Variants in FSD1 observed in about 807,000 individuals in gnomAD.
FSD1 encodes the protein fibronectin type III and SPRY domain containing 1, also known as fibronectin type III and SPRY domain-containing protein 1.
FSD1 carries 23 observed loss-of-function variants against 58.2 expected under a neutral mutation model. The ratio of observed to expected loss-of-function variants is 0.40; its 90% CI spans 0.28 to 0.56. The LOEUF is 0.56. FSD1 is among the 20% of genes least tolerant of loss of function. FSD1 has a pLI of 0.54. For synonymous variants in FSD1, 265 were observed against 263.4 expected (o/e 1.01, Z -0.06); for missense variants, 563 against 670.8 (o/e 0.84, Z 1.78).
In FSD1 at chr19:4,323,300, C is replaced by T. The variant is rs775668607; in HGVS notation, c.1292-48C>T. The T allele has an allele frequency of 3.5e-5, 57 of 1,609,588 alleles. No homozygotes were observed. The East Asian group carries it at 1.0e-3, about 28-fold the overall frequency. ...TGCCTGAGTCCCCTCCGTCTGCCCCCATCCCACTTCTGACCGGTCCCACTG... is the reference window on the plus strand; with the variant it reads ...TGCCTGAGTCCCCTCCGTCTGCCCCTATCCCACTTCTGACCGGTCCCACTG... On this transcript the variant is annotated intron_variant, in intron 11 of 12. Coordinates refer to ENST00000221856, the MANE Select transcript of FSD1 (RefSeq NM_024333.3). This position sits in a 1 kb window ranked among gnomAD's most constrained non-coding sequence, Gnocchi z 7.7.
Position 4,323,168 on chromosome 19 carries a change from G to A in FSD1, c.1222G>A (p.Ala408Thr), listed in dbSNP as rs770007894. ...GCAGGTCAGCTTCACGGCCAAGCAC[G>A]CCAACAAGGTCAAGGTGCTGGACGC... ...WLQVSFTAKH[A>T]NKVKVLDAPV... Residue 408 changes from alanine (A) to threonine (T), a missense_variant, in exon 11 of 13, where the codon GCC (alanine) becomes ACC (threonine). Coordinates refer to ENST00000221856, the MANE Select transcript of FSD1 (RefSeq NM_024333.3). The surrounding 1 kb of genome is among the most constrained non-coding windows in gnomAD (Gnocchi z 7.7). 1.9e-6 allele frequency: 3 copies of A among 1,604,770 alleles called. No homozygotes were observed. Among genetic ancestry groups the A allele is most frequent in the Non-Finnish European group, 2.5e-6 (3 of 1,179,784 alleles).
chr19:4,308,385 G>T (rs909061121), intron 4 of FSD1, among the ~76,000 whole-genome samples: 3 of 152,094 alleles, frequency 2.0e-5, no homozygotes, highest in African/African-American at 7.2e-5. Context: ...TCCAGACTGG[G>T]CAACAGAGGG....
chr19:4,304,618 G>A lies in FSD1; in HGVS notation c.-129G>A. ...CCTGCGCAATGCGCGCGGTGATGGAGCGCTAACCGGGGGCGCGGCGGCGGC... is the reference window on the plus strand; with the variant it reads ...CCTGCGCAATGCGCGCGGTGATGGAACGCTAACCGGGGGCGCGGCGGCGGC... On this transcript the variant is annotated 5_prime_UTR_variant, in exon 1 of 13. Transcript: ENST00000221856. The A allele has an allele frequency of 2.1e-6, 1 of 480,996 alleles. No individual in the cohort carries two copies. The allele number at this position is 480,996 out of a possible 1,614,324, so 29.8% of individuals were successfully genotyped here.
In FSD1 at chr19:4,306,327, C is replaced by T; in HGVS notation, c.241C>T (p.Gln81Ter). ...QDRASRTYELQNQLAACTRAL... is the reference protein window; with the variant it reads ...QDRASRTYEL The stretch of plus-strand genomic sequence containing the variant: ...CCGTGCCAGCCGTACCTACGAGCTG[C>T]AGGTGAGGGCTGAGGGCATCTTCCT... The change falls in exon 3 of 13, where the codon CAG (glutamine) becomes TAG (stop). Residue 81 changes from glutamine (Q) to a stop codon, truncating the protein, a stop_gained and splice_region_variant. Coordinates refer to ENST00000221856, the MANE Select transcript of FSD1 (RefSeq NM_024333.3). LOFTEE classifies it high-confidence loss of function. 1 of 1,613,700 alleles carries T rather than the reference C, an allele frequency of 6.2e-7. No individual in the cohort carries two copies. The highest frequency in any genetic ancestry group is 8.5e-7 in the Non-Finnish European group (1 of 1,179,968).
chr19:4,317,869 T>C lies in FSD1; in HGVS notation c.800-477T>C, dbSNP rs1390299197. Among the ~76,000 whole-genome samples, 4 of 152,026 alleles carry C rather than the reference T, an allele frequency of 2.6e-5. No homozygotes were observed. In the East Asian group the frequency reaches 7.8e-4, roughly 30 times the overall value. On this transcript the variant is annotated intron_variant, in intron 8 of 12. Coordinates refer to ENST00000221856, the MANE Select transcript of FSD1 (RefSeq NM_024333.3). The stretch of plus-strand genomic sequence containing the variant: ...CCGTCTCTACTGAAAATACAAAAAT[T>C]AGCTGGGAGTGGTAGCGTGTGCCTG...
intron 6 of FSD1, chr19:4,311,374 C>T (rs1971689194): frequency 6.0e-6 from 1 of 166,968 alleles, no homozygotes; most frequent in Non-Finnish European, 1.3e-5. Context: ...TCCCCCAACC[C>T]ACTGATGGAA....
chr19:4,315,830 TC>T (rs1971749672), intron 7 of FSD1, among the ~76,000 whole-genome samples: 1 of 151,660 alleles, frequency 6.6e-6, no homozygotes, highest in South Asian at 2.1e-4. Flanking sequence ...GAGGCTGGTC[TC>T]TTGGCCAGGC....
intron 7 of FSD1, among the ~76,000 whole-genome samples, chr19:4,316,511 G>A (rs1270236352): frequency 1.3e-5 from 2 of 151,970 alleles, no homozygotes; most frequent in East Asian, 1.9e-4. Flanking sequence ...GTAAGCCACC[G>A]CACCCAGACT....
chr19:4,317,814 C>G (rs942568144), intron 8 of FSD1, among the ~76,000 whole-genome samples: 1 of 152,126 alleles, frequency 6.6e-6, no homozygotes, highest in Non-Finnish European at 1.5e-5. Flanking sequence ...GTCAGGAGTT[C>G]GAAACCAGCC....
Position 4,318,261 on chromosome 19 carries a change from C to G in FSD1, c.800-85C>G, listed in dbSNP as rs114767894. The G allele has an allele frequency of 1.5e-3, 2,344 of 1,572,860 alleles. 32 individuals are homozygous for G. In the African/African-American group the frequency reaches 0.028, roughly 19 times the overall value. The stretch of plus-strand genomic sequence containing the variant: ...ATTCTCTGTCCCTGTCTTGGTCTGT[C>G]TTGGTCACTCTCTGTCTCTCTGTCT... On this transcript the variant is annotated intron_variant, in intron 8 of 12. Transcript: ENST00000221856.
In FSD1 at chr19:4,304,707, G is replaced by A. The variant is rs955004621; in HGVS notation, c.-40G>A. 154 of 1,218,818 alleles carry A rather than the reference G, an allele frequency of 1.3e-4. 1 individual carries two copies. Among genetic ancestry groups the A allele is most frequent in the Non-Finnish European group, 1.5e-4 (149 of 976,416 alleles). 75.5% of individuals were successfully genotyped at this position (1,218,818 alleles called of 1,614,324 possible). ...GGCAGCTTGGGGACCCAGCGTGCGC[G>A]GGGCCCGCGGGCCGGGCCGGGGTGA... On this transcript the variant is annotated 5_prime_UTR_variant, in exon 1 of 13. Coordinates refer to ENST00000221856, the MANE Select transcript of FSD1 (RefSeq NM_024333.3).
chr19:4,320,937 A>G (rs1443949804), intron 10 of FSD1, among the ~76,000 whole-genome samples: 2 of 124,434 alleles, frequency 1.6e-5, no homozygotes, highest in African/African-American at 3.2e-5. Context: ...GAGACTGAGG[A>G]GTATCTGGAG....
chr19:4,318,305 G>T (rs747434910), intron 8 of FSD1, 41 bp from the exon 9 acceptor site: 2 of 1,612,876 alleles, frequency 1.2e-6, no homozygotes, highest in Non-Finnish European at 8.5e-7. Context: ...GTCTCTCCGG[G>T]TTTCCCCATC....
Position 4,311,895 on chromosome 19 carries a change from G to A in FSD1, c.544G>A (p.Val182Met), listed in dbSNP as rs765588543. 12 of 1,614,086 alleles carry A rather than the reference G, an allele frequency of 7.4e-6. 1 individual carries two copies. The East Asian group carries it at 2.7e-4, about 36-fold the overall frequency. ...TGAGTCCCTGGTGGCAGATAACTGT[G>A]TGACCCTGGTGTGGCGCATGCCGGA... is the stretch of plus-strand genomic sequence containing the variant. The part of the protein sequence containing the change: ...LAESLVADNC[V>M]TLVWRMPDED... Residue 182 changes from valine to methionine, a missense_variant, in exon 7 of 13, where the codon GTG becomes ATG. Physicochemically the swap from Val to Met is conservative, Grantham distance 21. Transcript: ENST00000221856.
chr19:4,314,695 C>T (rs1971734210), intron 7 of FSD1, among the ~76,000 whole-genome samples: 1 of 152,192 alleles, frequency 6.6e-6, no homozygotes, highest in African/African-American at 2.4e-5. Flanking sequence ...CCATGTTGAC[C>T]AGGCTGGTCT....
intron 7 of FSD1, among the ~76,000 whole-genome samples, chr19:4,314,704 C>T (rs1291606337): frequency 6.6e-6 from 1 of 152,230 alleles, no homozygotes; most frequent in Non-Finnish European, 1.5e-5. Flanking sequence ...CCAGGCTGGT[C>T]TCTAACTCCT....
intron 1 of FSD1, 87 bp from the exon 2 acceptor site, chr19:4,305,859 C>T (rs1971613855): frequency 8.5e-6 from 8 of 943,536 alleles, no homozygotes; most frequent in East Asian, 2.4e-5. Flanking sequence ...TGTGTGTGCA[C>T]GTGTGTACAT....
chr19:4,323,519 C>T lies in FSD1; in HGVS notation c.1381-14C>T, dbSNP rs1318667266. On this transcript the variant is annotated splice_polypyrimidine_tract_variant and intron_variant, in intron 12 of 12. Coordinates refer to ENST00000221856, the MANE Select transcript of FSD1 (RefSeq NM_024333.3). The surrounding 1 kb of genome is among the most constrained non-coding windows in gnomAD (Gnocchi z 7.7). ...GAAGCTGAGCCCCTCCCCCCTCCCCCCGCTGTCCCTCAGGTATGGTGTGGC... is the reference window on the plus strand; with the variant it reads ...GAAGCTGAGCCCCTCCCCCCTCCCCTCGCTGTCCCTCAGGTATGGTGTGGC... 2 of 1,570,330 alleles carry T rather than the reference C, an allele frequency of 1.3e-6. No homozygotes were observed. The highest frequency in any genetic ancestry group is 3.4e-5 in the Admixed American group (2 of 59,580).
Position 4,318,481 on chromosome 19 carries a change from C to T in FSD1, c.935C>T (p.Ala312Val), listed in dbSNP as rs1469478051. The change falls in exon 9 of 13, where the codon GCG becomes GTG. Residue 312 changes from alanine to valine, a missense_variant. Ala to Val is a moderately conservative substitution (Grantham distance 64). Coordinates refer to ENST00000221856, the MANE Select transcript of FSD1 (RefSeq NM_024333.3). ...GAGAAAGATGGCAAGGGGCGGACGGCGTCTCCCATCAACTCCCCAGCCAGG... is the reference window on the plus strand; with the variant it reads ...GAGAAAGATGGCAAGGGGCGGACGGTGTCTCCCATCAACTCCCCAGCCAGG... ...AREKDGKGRT[A>V]SPINSPARGT... 6.8e-6 allele frequency: 11 copies of T among 1,611,132 alleles called. No individual in the cohort carries two copies. The highest frequency in any genetic ancestry group is 2.7e-5 in the African/African-American group (2 of 74,856).
Sources: allele counts gnomAD v4.1 joint callset (sites outside exome capture counted in the v4.1 genomes callset), GRCh38; gene constraint gnomAD v4.1.1; non-coding constraint Gnocchi (gnomAD v3.1); transcripts MANE v1.5; gene names NCBI Gene and HGNC (gene_info 2026-07-23, HGNC 2026-07-21).